RETREG1: variants seen among roughly 807,000 people sequenced by gnomAD.
RETREG1 encodes family with sequence similarity 134 member B.
A neutral mutation model predicts 54.8 loss-of-function variants in RETREG1; 44 were observed. That is an observed-to-expected ratio of 0.80 (90% CI 0.63 to 1.03). The LOEUF (loss-of-function observed/expected upper bound fraction) is 1.03, where lower values mean the gene tolerates loss of function less well. Among genes scored for constraint, RETREG1 ranks in the 50% least tolerant of loss-of-function variants. RETREG1 has a pLI of 0.00. For missense variants in RETREG1, 554 were observed against 605.1 expected (o/e 0.92, Z 0.89); for synonymous variants, 217 against 238.5 (o/e 0.91, Z 0.83).
At chr5:16,482,390 A>C (rs1002733392) in intron 4 of RETREG1, among the ~76,000 whole-genome samples, 1 of 151,952 alleles carries the variant, frequency 6.6e-6, no homozygotes, top group African/African-American at 2.4e-5. Context: ...AATACATTTA[A>C]TCACTTCAGT....
At chr5:16,530,282 C>T (rs1740873753) in intron 3 of RETREG1, among the ~76,000 whole-genome samples, 1 of 152,172 alleles carries the variant, frequency 6.6e-6, no homozygotes, top group African/African-American at 2.4e-5. Flanking sequence ...ACTTGTGCTC[C>T]CAGGGGCATT....
chr5:16,573,540 C>T (rs141664642), intron 1 of RETREG1, among the ~76,000 whole-genome samples: 5 of 152,252 alleles, frequency 3.3e-5, no homozygotes, highest in Non-Finnish European at 5.9e-5. Context: ...AAAGAACACA[C>T]GAATACTGCC....
chr5:16,478,320 C>T (rs1245746764), intron 6 of RETREG1, among the ~76,000 whole-genome samples: 1 of 152,120 alleles, frequency 6.6e-6, no homozygotes, highest in Non-Finnish European at 1.5e-5. Flanking sequence ...AATATTGTCC[C>T]TGAAACAGCA....
At chr5:16,556,171 T>A (rs1439728575) in intron 3 of RETREG1, among the ~76,000 whole-genome samples, 1 of 151,998 alleles carries the variant, frequency 6.6e-6, no homozygotes, top group Non-Finnish European at 1.5e-5. Flanking sequence ...TTTCTTTTTT[T>A]TTTTGGAGAC....
At chr5:16,546,834 C>CTGA (rs1221399932) in intron 3 of RETREG1, among the ~76,000 whole-genome samples, 7 of 152,174 alleles carry the variant, frequency 4.6e-5, no homozygotes, top group African/African-American at 1.4e-4. Context: ...ATGAAAACTT[C>CTGA]TGATGATGAT....
Position 16,543,660 on chromosome 5 carries a change from GGA to G in RETREG1, c.458+22101_458+22102del, listed in dbSNP as rs923206375. Among the ~76,000 whole-genome samples, 9 of 150,662 alleles carry G rather than the reference GGA, an allele frequency of 6.0e-5. No homozygotes were observed. In the South Asian group the frequency reaches 1.9e-3, roughly 32 times the overall value. On this transcript the variant is annotated intron_variant, in intron 3 of 8. Coordinates refer to ENST00000306320, the MANE Select transcript of RETREG1 (RefSeq NM_001034850.3). ...CATTGCACTCCAGCCGGGGCGACAG[GGA>G]GAGACAACATCTCAAAAAAAAAAAA...
At chr5:16,532,475 G>A (rs1303239030) in intron 3 of RETREG1, among the ~76,000 whole-genome samples, 7 of 152,156 alleles carry the variant, frequency 4.6e-5, no homozygotes, top group East Asian at 1.9e-4. Context: ...GTAGTGAGCC[G>A]AGATTGCACC....
At chr5:16,516,021 A>G (rs924575207) in intron 3 of RETREG1, among the ~76,000 whole-genome samples, 1 of 151,628 alleles carries the variant, frequency 6.6e-6, no homozygotes, top group Non-Finnish European at 1.5e-5. Context: ...AGAAGCATAC[A>G]CTAAATTAAG....
rs1049308521 is a variant in RETREG1, at chr5:16,597,252, C to T, written c.320+19400G>A. Among the ~76,000 whole-genome samples, 7 of 152,192 alleles carry T rather than the reference C, an allele frequency of 4.6e-5. No homozygotes were observed. The highest frequency in any genetic ancestry group is 7.2e-5 in the African/African-American group (3 of 41,444). ...TCAGTGTCATTGTGAATATTAGTAA[C>T]GACACCTACCTCCTCCAACAGTTGT... On this transcript the variant is annotated intron_variant, in intron 1 of 8. Transcript: ENST00000306320. The surrounding 1 kb of genome is among the most constrained non-coding windows in gnomAD (Gnocchi z 4.3).
intron 3 of RETREG1, among the ~76,000 whole-genome samples, chr5:16,535,582 A>C (rs13160981): frequency 3.4e-5 from 5 of 148,412 alleles, no homozygotes; most frequent in Admixed American, 3.3e-4. Flanking sequence ...TGCTGCCTTC[A>C]CAAAGTGGGA....
chr5:16,613,011 T>C (rs1743390630), intron 1 of RETREG1, among the ~76,000 whole-genome samples: 1 of 152,224 alleles, frequency 6.6e-6, no homozygotes, highest in South Asian at 2.1e-4. Context: ...TGTATTTTCA[T>C]TGTTATATGG....
At chr5:16,513,035 C>T (rs911171918) in intron 3 of RETREG1, among the ~76,000 whole-genome samples, 26 of 152,096 alleles carry the variant, frequency 1.7e-4, no homozygotes, top group African/African-American at 6.3e-4. Flanking sequence ...TGTGAATTTG[C>T]ATTTTGGGCT....
intron 1 of RETREG1, among the ~76,000 whole-genome samples, chr5:16,586,557 G>A (rs1179567383): frequency 1.3e-5 from 2 of 152,202 alleles, no homozygotes; most frequent in Admixed American, 6.5e-5. Flanking sequence ...GCTCCAAGGA[G>A]AGGTACAGGA....
chr5:16,528,105 G>A (rs1463105213), intron 3 of RETREG1, among the ~76,000 whole-genome samples: 4 of 152,024 alleles, frequency 2.6e-5, no homozygotes, highest in Admixed American at 6.5e-5. Flanking sequence ...CACCGCGCCC[G>A]GCCAGGGACT....
At chr5:16,482,195 A>G (rs26381) in intron 4 of RETREG1, among the ~76,000 whole-genome samples, 50,603 of 151,798 alleles carry the variant, frequency 0.33, 9,786 homozygotes, top group Middle Eastern at 0.45. Flanking sequence ...TATAAATGAA[A>G]TGGAAAGGCC....
At chr5:16,511,476 G>T (rs1740172272) in intron 3 of RETREG1, among the ~76,000 whole-genome samples, 1 of 152,160 alleles carries the variant, frequency 6.6e-6, no homozygotes, top group African/African-American at 2.4e-5. Context: ...TTTCAACTTA[G>T]GATGGGTTTC....
chr5:16,535,009 G>C (rs1485244695), intron 3 of RETREG1, among the ~76,000 whole-genome samples: 2 of 152,156 alleles, frequency 1.3e-5, no homozygotes, highest in Non-Finnish European at 2.9e-5. Context: ...TGGTAGAGAA[G>C]CTGGACATTA....
intron 3 of RETREG1, among the ~76,000 whole-genome samples, chr5:16,524,561 G>A (rs1200701768): frequency 1.3e-5 from 2 of 152,294 alleles, no homozygotes; most frequent in Non-Finnish European, 2.9e-5. Context: ...GTGGATTCAC[G>A]CTGCCAGACG....
intron 3 of RETREG1, among the ~76,000 whole-genome samples, chr5:16,536,907 C>T (rs776722067): frequency 2.3e-4 from 35 of 152,284 alleles, no homozygotes; most frequent in Non-Finnish European, 5.0e-4. Context: ...ACTCCAAGGC[C>T]AAGGGTGGCC....
Sources: allele counts gnomAD v4.1 joint callset (sites outside exome capture counted in the v4.1 genomes callset), GRCh38; gene constraint gnomAD v4.1.1; non-coding constraint Gnocchi (gnomAD v3.1); transcripts MANE v1.5; gene names NCBI Gene and HGNC (gene_info 2026-07-23, HGNC 2026-07-21).